Variants in CCDC138 observed in about 807,000 individuals in gnomAD.
CCDC138 encodes the protein coiled-coil domain containing 138, also known as coiled-coil domain-containing protein 138.
In CCDC138, 66 loss-of-function variants were observed where a neutral mutation model predicts 82.3. The ratio of observed to expected loss-of-function variants is 0.80; its 90% CI spans 0.66 to 0.98. CCDC138 has a LOEUF of 0.98. CCDC138 is among the 50% of genes least tolerant of loss of function. The pLI is 0.00. For synonymous variants in CCDC138, 297 were observed against 265.4 expected, an observed-to-expected ratio of 1.12 and a Z score of -1.16; for missense variants, 816 against 758.9, an observed-to-expected ratio of 1.08 and a Z score of -0.88.
intron 4 of CCDC138, among the ~76,000 whole-genome samples, chr2:108,792,664 G>A (rs1338661289): frequency 2.0e-5 from 3 of 152,108 alleles, no homozygotes; most frequent in African/African-American, 7.2e-5. Flanking sequence ...TTCATACTAT[G>A]TTTTATTTTT....
intron 6 of CCDC138, among the ~76,000 whole-genome samples, chr2:108,800,608 CTTTTTTTTTTT>C (rs67529329): frequency 9.9e-4 from 33 of 33,492 alleles, no homozygotes; most frequent in East Asian, 3.6e-3. Context: ...CTCAGTTTAG[CTTTTTTTTTTT>C]TTTTTTTTTT....
chr2:108,821,506 AC>A (rs1201710661), intron 10 of CCDC138, among the ~76,000 whole-genome samples: 3 of 152,246 alleles, frequency 2.0e-5, no homozygotes, highest in African/African-American at 7.2e-5. Context: ...GAAAATACTT[AC>A]AGAATATACA....
chr2:108,858,133 C>T (rs994907752), intron 13 of CCDC138, among the ~76,000 whole-genome samples: 6 of 152,186 alleles, frequency 3.9e-5, no homozygotes, highest in African/African-American at 1.2e-4. Context: ...CACTGGAGAT[C>T]AGGAGTTCAA....
At chr2:108,818,230 TG>T (rs1160933220) in intron 10 of CCDC138, among the ~76,000 whole-genome samples, 1 of 151,844 alleles carries the variant, frequency 6.6e-6, no homozygotes, top group Non-Finnish European at 1.5e-5. Flanking sequence ...CACCTGAACC[TG>T]GGGGGGTCGA....
intron 6 of CCDC138, among the ~76,000 whole-genome samples, chr2:108,802,745 A>T: frequency 3.3e-5 from 5 of 149,550 alleles, no homozygotes; most frequent in African/African-American, 9.8e-5. Flanking sequence ...TTGCCCATTC[A>T]GTATGATATC....
intron 10 of CCDC138, among the ~76,000 whole-genome samples, chr2:108,827,665 A>G (rs937066716): frequency 1.3e-5 from 2 of 152,028 alleles, no homozygotes; most frequent in African/African-American, 4.8e-5. Context: ...AAATACAAAA[A>G]ATTAGCCAGG....
chr2:108,877,146 G>T (rs145384268), downstream of CCDC138, among the ~76,000 whole-genome samples: 24 of 152,256 alleles, frequency 1.6e-4, no homozygotes, highest in East Asian at 4.6e-3. Flanking sequence ...AACAGGCCAA[G>T]GTGAGAATGG....
intron 2 of CCDC138, chr2:108,884,853 G>A (rs1019424242): frequency 6.6e-6 from 1 of 152,306 alleles, no homozygotes; most frequent in Non-Finnish European, 1.5e-5. Context: ...TTGAAGGCGG[G>A]TCTGCCAAGC....
At chr2:108,807,589 A>C (rs1340577645) in intron 7 of CCDC138, among the ~76,000 whole-genome samples, 1 of 152,054 alleles carries the variant, frequency 6.6e-6, no homozygotes, top group African/African-American at 2.4e-5. Flanking sequence ...TAAAGCTAGA[A>C]CTTATTCCTC....
At chr2:108,787,015 G>C (rs1678934693) in intron 1 of CCDC138, 100 bp downstream of exon 1, 2 of 726,430 alleles carry the variant, frequency 2.8e-6, no homozygotes, top group Non-Finnish European at 3.9e-6. Flanking sequence ...AGCGGCTCTG[G>C]TCCCGGCCCC....
At chr2:108,856,738 C>T in intron 12 of CCDC138, 56 bp from the exon 13 acceptor site, 1 of 1,527,496 alleles carries the variant, frequency 6.5e-7, no homozygotes, top group Non-Finnish European at 8.8e-7. Context: ...CCTTCTGTTT[C>T]TGATTGACAC....
chr2:108,847,559 G>A (rs112673726), intron 12 of CCDC138, among the ~76,000 whole-genome samples: 10 of 152,178 alleles, frequency 6.6e-5, no homozygotes, highest in Admixed American at 3.3e-4. Context: ...GGATGAATTA[G>A]AAATCCTTCA....
chr2:108,829,347 C>T (rs1353332809), intron 10 of CCDC138, among the ~76,000 whole-genome samples: 1 of 152,120 alleles, frequency 6.6e-6, no homozygotes, highest in African/African-American at 2.4e-5. Flanking sequence ...GCTATTTCTC[C>T]AAAGATAAAG....
chr2:108,883,327 G>A (rs1030458375), intron 2 of CCDC138: 2 of 152,210 alleles, frequency 1.3e-5, no homozygotes, highest in East Asian at 1.9e-4. Context: ...AGATGAAGAT[G>A]GGACCAGTGA....
chr2:108,812,268 A>C (rs1194362410), intron 7 of CCDC138, among the ~76,000 whole-genome samples: 2 of 152,280 alleles, frequency 1.3e-5, no homozygotes, highest in East Asian at 3.9e-4. Context: ...CCAGTAATGC[A>C]ATCCCAGTTA....
chr2:108,823,855 T>TATTTTTAGTAAA (rs1686119283), intron 10 of CCDC138, among the ~76,000 whole-genome samples: 1 of 152,066 alleles, frequency 6.6e-6, no homozygotes, highest in Non-Finnish European at 1.5e-5. Flanking sequence ...CGGGCATCTG[T>TATTTTTAGTAAA]AATCCCAGCT....
intron 12 of CCDC138, among the ~76,000 whole-genome samples, chr2:108,847,318 A>T (rs10202541): frequency 0.74 from 112,036 of 152,146 alleles, 43,541 homozygotes; most frequent in East Asian, 0.92. Context: ...TCCCACAACC[A>T]TGCTCATTTG....
rs200792410 is a variant in CCDC138, at chr2:108,828,872, A to G, written c.1207-10313A>G. Among the ~76,000 whole-genome samples the G allele has an allele frequency of 2.0e-4, 31 of 152,082 alleles. No homozygotes were observed. The East Asian group carries it at 3.7e-3, about 18-fold the overall frequency. On this transcript the variant is annotated intron_variant, in intron 10 of 14. Transcript: ENST00000295124. Reference sequence around the variant, plus strand: ...AGGCACCTGTAATCCCAGGTACTCGAGATGCTGAGGCAGGAGAATTGCTTG... The same window carrying G: ...AGGCACCTGTAATCCCAGGTACTCGGGATGCTGAGGCAGGAGAATTGCTTG...
At chr2:108,844,204 G>T (rs553881828) in intron 11 of CCDC138, among the ~76,000 whole-genome samples, 2 of 151,980 alleles carry the variant, frequency 1.3e-5, no homozygotes, top group South Asian at 4.2e-4. Context: ...TCCTTTCCTG[G>T]ACTCTAATGA....
Sources: allele counts gnomAD v4.1 joint callset (sites outside exome capture counted in the v4.1 genomes callset), GRCh38; gene constraint gnomAD v4.1.1; transcripts MANE v1.5; gene names NCBI Gene and HGNC (gene_info 2026-07-23, HGNC 2026-07-21).